CATSPER3: variants seen among roughly 807,000 people sequenced by gnomAD.
The protein encoded by CATSPER3 is cation channel sperm associated 3, also known as cation channel sperm-associated protein 3.
Under a neutral mutation model 36.6 loss-of-function variants are expected in CATSPER3, and 23 were observed. The ratio of observed to expected loss-of-function variants is 0.63; its 90% CI spans 0.45 to 0.89. The LOEUF is 0.89. CATSPER3 is among the 40% of genes least tolerant of loss of function. The pLI, the probability that CATSPER3 is intolerant of heterozygous loss-of-function variation, is 0.00. For synonymous variants in CATSPER3, 172 were observed against 184.1 expected (o/e 0.93, Z 0.53); for missense variants, 474 against 503.9 (o/e 0.94, Z 0.57).
chr5:134,974,260 T>G (rs950970395), intron 2 of CATSPER3, among the ~76,000 whole-genome samples: 2 of 152,182 alleles, frequency 1.3e-5, no homozygotes, highest in African/African-American at 4.8e-5. Flanking sequence ...CCCAGGTTCT[T>G]TAACAGATAA....
At chr5:134,986,430 C>T (rs946019900) in intron 2 of CATSPER3, among the ~76,000 whole-genome samples, 2 of 147,008 alleles carry the variant, frequency 1.4e-5, no homozygotes, top group Non-Finnish European at 3.0e-5. Flanking sequence ...AGGCGTGAGT[C>T]ACTGTGCCTG....
chr5:134,975,156 G>A (rs1751652345), intron 2 of CATSPER3: 1 of 152,124 alleles, frequency 6.6e-6, no homozygotes. Context: ...TACAGCCATT[G>A]AAAATAACAT....
Position 134,996,531 on chromosome 5 carries a change from T to A in CATSPER3, c.492+19T>A. ...CATCCGGGTGAGTGCACTGGGGGTG[T>A]CATGGTGCTGGGAGGGCAGGCCGTA... On this transcript the variant is annotated intron_variant, in intron 3 of 7. Transcript: ENST00000282611. 3 of 1,613,084 alleles carry A rather than the reference T, an allele frequency of 1.9e-6. No homozygotes were observed. Among genetic ancestry groups the A allele is most frequent in the Non-Finnish European group, 2.5e-6 (3 of 1,179,688 alleles).
intron 2 of CATSPER3, among the ~76,000 whole-genome samples, chr5:134,987,618 A>C (rs1029569400): frequency 1.3e-5 from 2 of 152,216 alleles, no homozygotes; most frequent in Non-Finnish European, 2.9e-5. Context: ...CACCACGATC[A>C]AGTGGGATTT....
intron 1 of CATSPER3, chr5:134,968,819 A>T (rs1751565954): frequency 2.6e-5 from 4 of 152,240 alleles, no homozygotes; most frequent in Non-Finnish European, 5.9e-5. Context: ...AAAAATTGCA[A>T]AGCACAGATA....
At chr5:135,005,543 C>G (rs553575332) in intron 3 of CATSPER3, among the ~76,000 whole-genome samples, 2 of 152,282 alleles carry the variant, frequency 1.3e-5, no homozygotes, top group East Asian at 3.9e-4. Flanking sequence ...CCATGGGGAG[C>G]TGGACCTGCC....
intron 1 of CATSPER3, chr5:134,968,845 G>T (rs1751566383): frequency 6.6e-6 from 1 of 152,038 alleles, no homozygotes; most frequent in Non-Finnish European, 1.5e-5. Context: ...AAATAAACAG[G>T]AAAAAGAATC....
At chr5:135,007,920 T>A in intron 3 of CATSPER3, 37 bp from the exon 4 acceptor site, 1 of 1,588,348 alleles carries the variant, frequency 6.3e-7, no homozygotes, top group Non-Finnish European at 8.6e-7. Flanking sequence ...CCCAGCTTGG[T>A]GGTACCCTCG....
chr5:135,007,954 C>T lies in CATSPER3; in HGVS notation c.493-3C>T. The T allele has an allele frequency of 2.5e-6, 4 of 1,613,650 alleles. No homozygotes were observed. The highest frequency in any genetic ancestry group is 3.4e-6 in the Non-Finnish European group (4 of 1,179,916). ...CGCCTACCACAGTGTCCCTGCCTTGCAGACGCTGATCACCGCCGTGGGGCA... is the reference window on the plus strand; with the variant it reads ...CGCCTACCACAGTGTCCCTGCCTTGTAGACGCTGATCACCGCCGTGGGGCA... On this transcript the variant is annotated splice_polypyrimidine_tract_variant and splice_region_variant and intron_variant, in intron 3 of 7. Coordinates refer to ENST00000282611, the MANE Select transcript of CATSPER3 (RefSeq NM_178019.3).
At chr5:135,006,517 T>C (rs1752087299) in intron 3 of CATSPER3, among the ~76,000 whole-genome samples, 1 of 151,890 alleles carries the variant, frequency 6.6e-6, no homozygotes. Flanking sequence ...TCTGCCTCTG[T>C]TTAGTTGGGA....
intron 3 of CATSPER3, among the ~76,000 whole-genome samples, chr5:135,007,388 T>TC (rs1477523516): frequency 2.6e-5 from 4 of 152,118 alleles, no homozygotes; most frequent in African/African-American, 9.7e-5. Flanking sequence ...TACACGGTGC[T>TC]CCCCAGAAAT....
chr5:134,970,187 TCTCAC>T, intron 2 of CATSPER3, 95 bp downstream of exon 2: 3 of 1,226,210 alleles, frequency 2.4e-6, no homozygotes, highest in South Asian at 1.2e-5. Context: ...CGAGACAGAA[TCTCAC>T]TCTGTCAGGC....
chr5:134,993,421 T>C (rs1278384346), intron 2 of CATSPER3, among the ~76,000 whole-genome samples: 1 of 152,218 alleles, frequency 6.6e-6, no homozygotes, highest in African/African-American at 2.4e-5. Context: ...TTAGTGCCAC[T>C]GAATTGTACA....
At chr5:135,008,668 T>C (rs1752121827) in intron 4 of CATSPER3, among the ~76,000 whole-genome samples, 173 bp from the exon 5 acceptor site, 1 of 152,148 alleles carries the variant, frequency 6.6e-6, no homozygotes, top group African/African-American at 2.4e-5. Context: ...TGCTCTGCAT[T>C]CCCAGGCCAT....
chr5:135,004,692 A>G (rs1410018385), intron 3 of CATSPER3, among the ~76,000 whole-genome samples: 3 of 152,080 alleles, frequency 2.0e-5, no homozygotes, highest in Admixed American at 6.5e-5. Context: ...AAAGATGTGG[A>G]AGGTCCCCAG....
intron 2 of CATSPER3, 113 bp from the exon 3 acceptor site, chr5:134,996,160 C>G: frequency 2.2e-6 from 3 of 1,347,046 alleles, no homozygotes; most frequent in Non-Finnish European, 3.2e-6. Flanking sequence ...CTGGGTTTCT[C>G]TCTCATGTGG....
chr5:135,007,910 C>T lies in CATSPER3; in HGVS notation c.493-47C>T, dbSNP rs761721028. 2.6e-6 allele frequency: 4 copies of T among 1,565,122 alleles called. No individual in the cohort carries two copies. In the South Asian group the frequency reaches 4.4e-5, roughly 17 times the overall value. ...AATGGACCTCTGTCCCTGGAGCCCA[C>T]CCAGCTTGGTGGTACCCTCGCCTAC... On this transcript the variant is annotated intron_variant, in intron 3 of 7. Coordinates refer to ENST00000282611, the MANE Select transcript of CATSPER3 (RefSeq NM_178019.3).
intron 3 of CATSPER3, among the ~76,000 whole-genome samples, chr5:135,000,316 G>A (rs576520754): frequency 1.0e-3 from 152 of 152,342 alleles, no homozygotes; most frequent in African/African-American, 3.5e-3. Flanking sequence ...GCTGGATTCG[G>A]TTTGCCAGTA....
intron 2 of CATSPER3, among the ~76,000 whole-genome samples, chr5:134,973,814 A>G (rs960694753): frequency 2.0e-5 from 3 of 152,194 alleles, no homozygotes; most frequent in Middle Eastern, 3.2e-3. Context: ...AATTCACCAA[A>G]TAATCTATGA....
Sources: allele counts gnomAD v4.1 joint callset (sites outside exome capture counted in the v4.1 genomes callset), GRCh38; gene constraint gnomAD v4.1.1; transcripts MANE v1.5; gene names NCBI Gene and HGNC (gene_info 2026-07-23, HGNC 2026-07-21).